The following NT5C2 variants were observed in gnomAD, a reference collection of about 807,000 sequenced individuals.
NT5C2 encodes the protein cytosolic purine 5'-nucleotidase.
NT5C2 carries 58 observed loss-of-function variants against 76.1 expected under a neutral mutation model. The observed-to-expected ratio is 0.76, with a 90% CI of 0.62 to 0.95. The LOEUF (loss-of-function observed/expected upper bound fraction) is 0.95. Among genes scored for constraint, NT5C2 ranks in the 40% least tolerant of loss-of-function variants. The pLI is 0.00. For synonymous variants in NT5C2, 229 were observed against 237.4 expected, an observed-to-expected ratio of 0.96 and a Z score of 0.32; for missense variants, 478 against 690.3, an observed-to-expected ratio of 0.69 and a Z score of 3.45.
chr10:103,156,012 A>T (rs569887883), intron 3 of NT5C2, among the ~76,000 whole-genome samples: 1 of 152,232 alleles, frequency 6.6e-6, no homozygotes, highest in South Asian at 2.1e-4. Context: ...AAAAAAATTT[A>T]AAAATTAGCC....
At chr10:103,111,874 G>C in intron 4 of NT5C2, 1 of 1,001,806 alleles carries the variant, frequency 1.0e-6, no homozygotes, top group Admixed American at 4.3e-5. Flanking sequence ...AAACTGTTGT[G>C]ATGGGCTGGA....
chr10:103,178,680 A>G (rs1301859863), intron 2 of NT5C2, among the ~76,000 whole-genome samples: 1 of 151,848 alleles, frequency 6.6e-6, no homozygotes, highest in Non-Finnish European at 1.5e-5. Context: ...AATACAAAAA[A>G]TTAGCTGGGC....
intron 11 of NT5C2, 136 bp downstream of exon 11, chr10:103,097,155 G>T: frequency 5.2e-6 from 3 of 581,876 alleles, no homozygotes. Context: ...GTATATTTTT[G>T]CCTTTTTACT....
intron 1 of NT5C2, among the ~76,000 whole-genome samples, chr10:103,182,626 C>T (rs1174811020): frequency 1.3e-5 from 2 of 151,210 alleles, no homozygotes; most frequent in Admixed American, 1.3e-4. Flanking sequence ...CAGAGCAAGA[C>T]TCCATCTCAA....
intron 4 of NT5C2, among the ~76,000 whole-genome samples, chr10:103,136,599 A>C (rs2079300985): frequency 6.6e-6 from 1 of 151,996 alleles, no homozygotes; most frequent in East Asian, 1.9e-4. Context: ...AAGGTGCATT[A>C]AAGTTTAGAG....
At chr10:103,142,966 G>C (rs1322587248) in intron 3 of NT5C2, among the ~76,000 whole-genome samples, 1 of 146,470 alleles carries the variant, frequency 6.8e-6, no homozygotes, top group African/African-American at 2.5e-5. Context: ...TCCAGCCTGG[G>C]CTACAAAGCA....
chr10:103,127,946 A>C (rs569590897), intron 4 of NT5C2, among the ~76,000 whole-genome samples: 23 of 151,890 alleles, frequency 1.5e-4, no homozygotes, highest in African/African-American at 5.1e-4. Flanking sequence ...CTCCCGCCTC[A>C]GCCTCCCAAA....
Position 103,095,984 on chromosome 10 carries a change from G to A in NT5C2, c.772-4C>T. The A allele has an allele frequency of 6.2e-7, 1 of 1,604,782 alleles. No homozygotes were observed. Among genetic ancestry groups the A allele is most frequent in the Non-Finnish European group, 8.5e-7 (1 of 1,173,750 alleles). On this transcript the variant is annotated splice_polypyrimidine_tract_variant and splice_region_variant and intron_variant, in intron 11 of 18. Transcript: ENST00000404739. ...CAAACAGGTAAGTCATAATTTTCTG[G>A]AAAAAAAAATTTAACATAAGGTCCA... is the stretch of plus-strand genomic sequence containing the variant.
chr10:103,166,382 CAG>C (rs201247826), intron 3 of NT5C2, among the ~76,000 whole-genome samples: 2,500 of 152,270 alleles, frequency 0.016, 37 homozygotes, highest in Middle Eastern at 0.027. Context: ...TGGAACCATA[CAG>C]AGTGTAACCT....
chr10:103,184,244 C>T (rs11191596), intron 1 of NT5C2, among the ~76,000 whole-genome samples: 16,296 of 152,168 alleles, frequency 0.11, 1,139 homozygotes, highest in Non-Finnish European at 0.15. Flanking sequence ...CCGTGCCCAG[C>T]CTATAAACAA....
intron 3 of NT5C2, among the ~76,000 whole-genome samples, chr10:103,141,443 G>T (rs1416331359): frequency 2.6e-5 from 4 of 152,120 alleles, no homozygotes; most frequent in African/African-American, 9.7e-5. Flanking sequence ...GGGCAGCAGA[G>T]TGAGACCCTG....
chr10:103,124,568 A>G (rs938939008), intron 4 of NT5C2, among the ~76,000 whole-genome samples: 18 of 152,116 alleles, frequency 1.2e-4, no homozygotes, highest in Admixed American at 2.0e-4. Context: ...CAAAGAGTGC[A>G]CTAGTCACTG....
intron 1 of NT5C2, among the ~76,000 whole-genome samples, chr10:103,190,449 A>T (rs1299565767): frequency 6.6e-6 from 1 of 152,222 alleles, no homozygotes. Flanking sequence ...ACCAAGCTAC[A>T]TTAATATTCC....
intron 4 of NT5C2, among the ~76,000 whole-genome samples, chr10:103,123,608 G>A (rs563989726): frequency 1.3e-5 from 2 of 152,266 alleles, no homozygotes; most frequent in East Asian, 1.9e-4. Context: ...TTTCTAGTAC[G>A]TTTAATAAAT....
chr10:103,097,971 C>T (rs2068615063), intron 10 of NT5C2: 2 of 508,552 alleles, frequency 3.9e-6, no homozygotes, highest in South Asian at 3.0e-5. Context: ...GGACCCTCCC[C>T]ATTCAGTGTT....
intron 3 of NT5C2, among the ~76,000 whole-genome samples, chr10:103,164,696 A>C (rs182620084): frequency 7.7e-4 from 117 of 152,364 alleles, no homozygotes; most frequent in African/African-American, 2.7e-3. Flanking sequence ...AAACATGAAT[A>C]AATCTCTCTC....
intron 3 of NT5C2, chr10:103,169,280 CATATAT>C (rs960748737): frequency 1.3e-5 from 2 of 152,016 alleles, no homozygotes; most frequent in Non-Finnish European, 1.5e-5. Flanking sequence ...TACACACACA[CATATAT>C]ATATAATGTT....
At chr10:103,101,614 T>C (rs568155037) in intron 6 of NT5C2, among the ~76,000 whole-genome samples, 1 of 152,014 alleles carries the variant, frequency 6.6e-6, no homozygotes, top group African/African-American at 2.4e-5. Context: ...GCCTCCCAAG[T>C]AGCTGGGATT....
At chr10:103,098,845 A>G (rs1203746685) in intron 10 of NT5C2, 86 bp downstream of exon 10, 4 of 951,234 alleles carry the variant, frequency 4.2e-6, no homozygotes, top group Non-Finnish European at 4.9e-6. Flanking sequence ...TCTTTTGTCC[A>G]TTTCATTATA....
Sources: allele counts gnomAD v4.1 joint callset (sites outside exome capture counted in the v4.1 genomes callset), GRCh38; gene constraint gnomAD v4.1.1; transcripts MANE v1.5; gene names NCBI Gene and HGNC (gene_info 2026-07-23, HGNC 2026-07-21).